HPSE2: variants seen among roughly 807,000 people sequenced by gnomAD.
HPSE2 encodes the protein inactive heparanase-2.
HPSE2 carries 38 observed loss-of-function variants against 60.5 expected under a neutral mutation model. The observed-to-expected ratio is 0.63, with a 90% CI of 0.48 to 0.82. The LOEUF (loss-of-function observed/expected upper bound fraction) is 0.82, where lower values mean the gene tolerates loss of function less well. Ranked by LOEUF, HPSE2 falls within the 40% of genes least tolerant of loss-of-function variation. HPSE2 has a pLI of 0.00. For synonymous variants in HPSE2, 295 were observed against 293.2 expected, an observed-to-expected ratio of 1.01 and a Z score of -0.06; for missense variants, 713 against 740.4, an observed-to-expected ratio of 0.96 and a Z score of 0.43.
intron 9 of HPSE2, among the ~76,000 whole-genome samples, chr10:98,594,872 C>T: frequency 6.6e-6 from 1 of 152,074 alleles, no homozygotes; most frequent in Non-Finnish European, 1.5e-5. Context: ...TTTTGAGGAA[C>T]CTCCATACTG....
At chr10:99,146,155 C>T (rs1244332131) in intron 2 of HPSE2, among the ~76,000 whole-genome samples, 1 of 152,160 alleles carries the variant, frequency 6.6e-6, no homozygotes, top group Non-Finnish European at 1.5e-5. Flanking sequence ...AGGAATAATG[C>T]AGTTTACATT....
the HPSE2 span, among the ~76,000 whole-genome samples, chr10:99,281,119 A>G: frequency 7.2e-6 from 1 of 138,328 alleles, no homozygotes; most frequent in Non-Finnish European, 1.5e-5. Flanking sequence ...AACAACATAT[A>G]CCATAGATGC....
intron 2 of HPSE2, among the ~76,000 whole-genome samples, chr10:99,170,549 T>A (rs547174314): frequency 8.5e-5 from 13 of 152,312 alleles, no homozygotes; most frequent in Admixed American, 5.9e-4. Flanking sequence ...GCCCTCCTCA[T>A]AGTATTGACC....
At chr10:98,670,046 G>A (rs1304933014) in intron 6 of HPSE2, among the ~76,000 whole-genome samples, 2 of 152,156 alleles carry the variant, frequency 1.3e-5, no homozygotes, top group African/African-American at 4.8e-5. Context: ...ACTATTCTAG[G>A]TAAAGGGGAA....
At chr10:98,583,818 C>T (rs1111288) in intron 9 of HPSE2, among the ~76,000 whole-genome samples, 92,269 of 152,082 alleles carry the variant, frequency 0.61, 28,435 homozygotes, top group Middle Eastern at 0.69. Context: ...GGTTCATCCA[C>T]GCTGTAGCAT....
chr10:99,305,532 G>A, the HPSE2 span, among the ~76,000 whole-genome samples: 2 of 152,088 alleles, frequency 1.3e-5, no homozygotes, highest in Non-Finnish European at 2.9e-5. Context: ...TAAAAGGAAG[G>A]AAGGAAAAAA....
At chr10:99,127,368 A>T (rs1301955776) in intron 3 of HPSE2, among the ~76,000 whole-genome samples, 2 of 152,218 alleles carry the variant, frequency 1.3e-5, no homozygotes, top group Admixed American at 1.3e-4. Flanking sequence ...AAGTTTCAAC[A>T]ATCGACTAGA....
chr10:99,139,691 C>G (rs866797970), intron 3 of HPSE2, among the ~76,000 whole-genome samples: 3 of 152,068 alleles, frequency 2.0e-5, no homozygotes, highest in African/African-American at 4.8e-5. Flanking sequence ...GGAAAAATTT[C>G]CCTAGAAAAT....
At chr10:98,474,512 C>T (rs1158156257) in intron 11 of HPSE2, among the ~76,000 whole-genome samples, 2 of 152,180 alleles carry the variant, frequency 1.3e-5, no homozygotes, top group Non-Finnish European at 2.9e-5. Flanking sequence ...GTTTGGTTAA[C>T]ATCAAATGAC....
At position 99,235,705 on chromosome 10, in the gene HPSE2, A is replaced by G. The variant is rs749213026; in HGVS notation, c.98T>C (p.Leu33Pro). Residue 33 changes from leucine to proline, a missense_variant, in exon 1 of 12, where the codon CTC (leucine) becomes CCC (proline). Transcript: ENST00000370552. ...APGALYLALLLHLSLSSQAGD... is the reference protein window; with the variant it reads ...APGALYLALLPHLSLSSQAGD... ...AGCCTGGGAGGAAAGGGAGAGATGG[A>G]GCAACAGAGCCAAGTAGAGAGCCCC... is the stretch of plus-strand genomic sequence containing the variant. 1.9e-6 allele frequency: 3 copies of G among 1,613,996 alleles called. No individual in the cohort carries two copies. Among genetic ancestry groups the G allele is most frequent in the Non-Finnish European group, 2.5e-6 (3 of 1,180,014 alleles).
chr10:98,846,193 C>A (rs1159779521), intron 3 of HPSE2, among the ~76,000 whole-genome samples: 1 of 152,080 alleles, frequency 6.6e-6, no homozygotes, highest in Non-Finnish European at 1.5e-5. Context: ...AAAGCCTATA[C>A]CAGCTTTTGA....
intron 3 of HPSE2, among the ~76,000 whole-genome samples, chr10:99,052,778 C>T (rs980404578): frequency 2.0e-5 from 3 of 151,864 alleles, no homozygotes; most frequent in African/African-American, 7.2e-5. Flanking sequence ...AAATAAAAAG[C>T]AAAAACTATC....
intron 6 of HPSE2, among the ~76,000 whole-genome samples, chr10:98,648,146 C>T (rs1429661484): frequency 1.3e-5 from 2 of 152,184 alleles, no homozygotes; most frequent in Non-Finnish European, 1.5e-5. Context: ...TCTTGCTCTC[C>T]TAACTCTTTG....
chr10:98,713,977 T>C (rs1948733470), intron 5 of HPSE2, among the ~76,000 whole-genome samples: 1 of 151,976 alleles, frequency 6.6e-6, no homozygotes, highest in Admixed American at 6.6e-5. Flanking sequence ...CTTCTATTTC[T>C]ATCAACTGTC....
At chr10:98,664,519 C>T (rs1373733904) in intron 6 of HPSE2, among the ~76,000 whole-genome samples, 2 of 152,102 alleles carry the variant, frequency 1.3e-5, no homozygotes, top group Non-Finnish European at 2.9e-5. Context: ...CTTCCAAGGC[C>T]CAGGAATGGA....
chr10:98,496,050 G>GGTGT (rs146851708), intron 9 of HPSE2, among the ~76,000 whole-genome samples: 8 of 150,740 alleles, frequency 5.3e-5, no homozygotes, highest in East Asian at 1.9e-4. Flanking sequence ...AGTTGTTTTT[G>GGTGT]GTGTGTGTGT....
At chr10:98,868,397 T>C (rs1952647702) in intron 3 of HPSE2, among the ~76,000 whole-genome samples, 1 of 151,602 alleles carries the variant, frequency 6.6e-6, no homozygotes, top group Non-Finnish European at 1.5e-5. Context: ...GGTTAATGGG[T>C]CCAAATAAAA....
At chr10:99,248,765 T>C in the HPSE2 span, among the ~76,000 whole-genome samples, 1 of 152,168 alleles carries the variant, frequency 6.6e-6, no homozygotes, top group Non-Finnish European at 1.5e-5. Flanking sequence ...AGAATGGTTT[T>C]GTGGGCCAGA....
intron 4 of HPSE2, among the ~76,000 whole-genome samples, chr10:98,726,630 T>TATA (rs35016961): frequency 0.33 from 47,840 of 143,290 alleles, 8,230 homozygotes; most frequent in Non-Finnish European, 0.38. Flanking sequence ...AAACTTAAAG[T>TATA]ATAATAATAA....
Sources: gnomAD v4.1 joint callset for allele counts (sites outside exome capture counted in the v4.1 genomes callset) on GRCh38, gnomAD v4.1.1 for gene constraint, MANE v1.5 for transcripts, NCBI Gene and HGNC (gene_info 2026-07-23, HGNC 2026-07-21) for gene names.